ATP8A1: variants seen among roughly 807,000 people sequenced by gnomAD.
ATP8A1 encodes the protein phospholipid-transporting ATPase IA.
Under a neutral mutation model 177.7 loss-of-function variants are expected in ATP8A1, and 90 were observed. The observed-to-expected ratio is 0.51, with a 90% confidence interval of 0.43 to 0.60. ATP8A1 has a LOEUF of 0.60. ATP8A1 is among the 20% of genes least tolerant of loss of function. ATP8A1 has a pLI of 0.00. For synonymous variants in ATP8A1, 493 were observed against 485.9 expected, an observed-to-expected ratio of 1.01 and a Z score of -0.19; for missense variants, 1,072 against 1,392.8, an observed-to-expected ratio of 0.77 and a Z score of 3.67.
At chr4:42,494,157 T>G (rs1723009238) in intron 24 of ATP8A1, among the ~76,000 whole-genome samples, 1 of 67,542 alleles carries the variant, frequency 1.5e-5, no homozygotes, top group African/African-American at 6.1e-5. Flanking sequence ...GCCAAGATCA[T>G]GCCACAAAAA....
At chr4:42,593,791 A>G (rs1374601865) in intron 6 of ATP8A1, among the ~76,000 whole-genome samples, 1 of 152,070 alleles carries the variant, frequency 6.6e-6, no homozygotes, top group Non-Finnish European at 1.5e-5. Flanking sequence ...AAGTAACTGA[A>G]AGAACTTAAA....
At chr4:42,472,282 G>A in intron 25 of ATP8A1, 1 of 543,386 alleles carries the variant, frequency 1.8e-6, no homozygotes, top group South Asian at 1.4e-5. Flanking sequence ...CAAAGCATAG[G>A]AGAACAACAT....
chr4:42,607,949 T>C (rs2109423023), intron 5 of ATP8A1, among the ~76,000 whole-genome samples: 1 of 152,270 alleles, frequency 6.6e-6, no homozygotes. Flanking sequence ...GCTCATTGTT[T>C]TAAATGCAAA....
At chr4:42,434,674 T>A (rs1225267054) in intron 33 of ATP8A1, among the ~76,000 whole-genome samples, 1 of 152,186 alleles carries the variant, frequency 6.6e-6, no homozygotes, top group Non-Finnish European at 1.5e-5. Context: ...TTGCAGCTAC[T>A]TTGGCTATAT....
intron 1 of ATP8A1, among the ~76,000 whole-genome samples, chr4:42,628,914 A>G (rs893268760): frequency 2.6e-5 from 4 of 152,124 alleles, no homozygotes; most frequent in African/African-American, 9.7e-5. Context: ...TGTTGTATCT[A>G]CTTTATGTAA....
chr4:42,467,437 T>C (rs917043351), intron 25 of ATP8A1, among the ~76,000 whole-genome samples: 1 of 152,200 alleles, frequency 6.6e-6, no homozygotes, highest in Admixed American at 6.5e-5. Flanking sequence ...CTCATGCCTG[T>C]AATTCCAGCA....
chr4:42,590,929 ATGAACAGAGG>A, intron 6 of ATP8A1, 45 bp from the exon 7 acceptor site: 1 of 1,517,588 alleles, frequency 6.6e-7, no homozygotes, highest in East Asian at 2.3e-5. Context: ...AAAAAAAAAA[ATGAACAGAGG>A]AAAAAAAACA....
intron 15 of ATP8A1, among the ~76,000 whole-genome samples, chr4:42,557,222 C>T (rs1342407002): frequency 6.6e-6 from 1 of 152,022 alleles, no homozygotes; most frequent in Admixed American, 6.5e-5. Context: ...ATCAAAATAC[C>T]CTTGGGGGCC....
At chr4:42,511,104 T>C (rs1724962964) in intron 22 of ATP8A1, among the ~76,000 whole-genome samples, 1 of 152,230 alleles carries the variant, frequency 6.6e-6, no homozygotes, top group Non-Finnish European at 1.5e-5. Context: ...CAGGAGCTCC[T>C]TGAGAACAGC....
intron 15 of ATP8A1, among the ~76,000 whole-genome samples, chr4:42,562,624 A>G (rs572026799): frequency 6.6e-6 from 1 of 152,338 alleles, no homozygotes; most frequent in Admixed American, 6.5e-5. Context: ...CTGGTTTTCT[A>G]TGTGATATTG....
intron 15 of ATP8A1, among the ~76,000 whole-genome samples, chr4:42,565,682 A>G (rs1731272723): frequency 6.6e-6 from 1 of 152,248 alleles, no homozygotes; most frequent in Admixed American, 6.5e-5. Flanking sequence ...CTTCAAAATG[A>G]TAGTGGGGGA....
At chr4:42,551,733 T>C (rs953812990) in intron 17 of ATP8A1, among the ~76,000 whole-genome samples, 3 of 152,236 alleles carry the variant, frequency 2.0e-5, no homozygotes, top group African/African-American at 7.2e-5. Context: ...TTAATGTCTA[T>C]GAATTTCATC....
chr4:42,559,784 C>A (rs1730625082), intron 15 of ATP8A1, among the ~76,000 whole-genome samples: 1 of 152,232 alleles, frequency 6.6e-6, no homozygotes, highest in Non-Finnish European at 1.5e-5. Context: ...CAGCTCACTG[C>A]AACCTCCACC....
chr4:42,557,254 T>A (rs1366070796), intron 15 of ATP8A1, among the ~76,000 whole-genome samples: 1 of 152,188 alleles, frequency 6.6e-6, no homozygotes, highest in Non-Finnish European at 1.5e-5. Flanking sequence ...GTCATCATCA[T>A]CATTATCATT....
intron 20 of ATP8A1, among the ~76,000 whole-genome samples, chr4:42,542,164 T>C (rs989540736): frequency 6.6e-6 from 1 of 152,176 alleles, no homozygotes; most frequent in Non-Finnish European, 1.5e-5. Flanking sequence ...TGCTGAATTT[T>C]GCTGGGGACT....
At chr4:42,472,554 C>T (rs1341614713) in intron 25 of ATP8A1, among the ~76,000 whole-genome samples, 2 of 151,830 alleles carry the variant, frequency 1.3e-5, no homozygotes, top group East Asian at 3.9e-4. Flanking sequence ...CAAGACCAGT[C>T]GGGCCAACAT....
At chr4:42,616,985 C>T (rs1401519271) in intron 4 of ATP8A1, among the ~76,000 whole-genome samples, 2 of 152,290 alleles carry the variant, frequency 1.3e-5, no homozygotes, top group East Asian at 1.9e-4. Context: ...TAACTCTGTT[C>T]GCTCAAAGAT....
Position 42,410,105 on chromosome 4 carries a change from A to G in ATP8A1, c.*2811T>C, listed in dbSNP as rs1259292676. ...GTACATATATCATTTAAAATTTACA[A>G]CGTTCCTGAGAAACACTGTTTTCCT... On this transcript the variant is annotated 3_prime_UTR_variant, in exon 37 of 37. Transcript: ENST00000381668. 2.6e-5 allele frequency: 4 copies of G among 152,298 alleles called. No homozygotes were observed. The highest frequency in any genetic ancestry group is 6.5e-5 in the Admixed American group (1 of 15,298). 9.4% of individuals were successfully genotyped at this position (152,298 alleles called of 1,614,324 possible). A position where few individuals can be genotyped will look rare whatever the true frequency, so the allele number is the denominator to read the frequency against.
At chr4:42,586,606 T>C in intron 8 of ATP8A1, 130 bp from the exon 9 acceptor site, 1 of 895,844 alleles carries the variant, frequency 1.1e-6, no homozygotes, top group South Asian at 1.8e-5. Flanking sequence ...AATTCTCCTC[T>C]ACTCTGTCAA....
Sources: allele counts gnomAD v4.1 joint callset (sites outside exome capture counted in the v4.1 genomes callset), GRCh38; gene constraint gnomAD v4.1.1; transcripts MANE v1.5; gene names NCBI Gene and HGNC (gene_info 2026-07-23, HGNC 2026-07-21).